Variants in TRMT11 observed in about 807,000 individuals in gnomAD.
TRMT11 encodes tRNA (guanine(10)-N(2))-methyltransferase TRMT11.
Under a neutral mutation model 62.8 loss-of-function variants are expected in TRMT11, and 53 were observed. That is an observed-to-expected ratio of 0.84 (90% CI 0.68 to 1.06). TRMT11 has a LOEUF of 1.06. Ranked by LOEUF, TRMT11 falls within the 50% of genes least tolerant of loss-of-function variation. The pLI is 0.00. For missense variants in TRMT11, 556 were observed against 553.4 expected, an observed-to-expected ratio of 1.00 and a Z score of -0.05; for synonymous variants, 188 against 190.3, an observed-to-expected ratio of 0.99 and a Z score of 0.10.
chr6:125,988,120 A>G (rs1432961083), intron 1 of TRMT11, among the ~76,000 whole-genome samples: 2 of 152,228 alleles, frequency 1.3e-5, no homozygotes, highest in Admixed American at 6.5e-5. Flanking sequence ...TCAGAAGGGT[A>G]AAGTTTTAGG....
At chr6:126,109,030 A>T (rs1478013482) in intron 17 of TRMT11, among the ~76,000 whole-genome samples, 14 of 152,130 alleles carry the variant, frequency 9.2e-5, no homozygotes. Context: ...GTTTTACCAC[A>T]TTTATTTTTA....
At chr6:126,026,942 A>G (rs938856512) in intron 12 of TRMT11, among the ~76,000 whole-genome samples, 2 of 150,896 alleles carry the variant, frequency 1.3e-5, no homozygotes, top group Admixed American at 6.6e-5. Flanking sequence ...AGCTGGGACT[A>G]CAGGCGCCTG....
chr6:126,222,147 C>T, the TRMT11 span, among the ~76,000 whole-genome samples: 1 of 152,120 alleles, frequency 6.6e-6, no homozygotes, highest in African/African-American at 2.4e-5. Flanking sequence ...TCTGGGTTCT[C>T]TAACCTGTTC....
chr6:126,210,853 T>C, the TRMT11 span, among the ~76,000 whole-genome samples: 1 of 152,200 alleles, frequency 6.6e-6, no homozygotes, highest in African/African-American at 2.4e-5. Flanking sequence ...ATCAAATCCA[T>C]CACAAATTCC....
In TRMT11 at chr6:126,179,179, T is replaced by C. The variant is rs1317902193; in HGVS notation, n.143+1844T>C. Among the ~76,000 whole-genome samples, 3 of 152,180 alleles carry C rather than the reference T, an allele frequency of 2.0e-5. No homozygotes were observed. The South Asian group carries it at 6.2e-4, about 31-fold the overall frequency. On this transcript the variant is annotated intron_variant and non_coding_transcript_variant, in intron 1 of 3. Coordinates refer to the TRMT11 transcript ENST00000444229. ...GCAGAAGAAATTGTGTCACTTCTTG[T>C]GGACCTTCTTCCTTCCTGTGAACGC...
chr6:126,143,581 T>A (rs769915874), intron 21 of TRMT11, among the ~76,000 whole-genome samples: 5 of 152,178 alleles, frequency 3.3e-5, no homozygotes, highest in Non-Finnish European at 7.4e-5. Context: ...TCATTTAGAC[T>A]TTTTCTGAAC....
At chr6:126,010,406 G>T (rs1003566547) in intron 8 of TRMT11, among the ~76,000 whole-genome samples, 2 of 151,770 alleles carry the variant, frequency 1.3e-5, no homozygotes, top group Non-Finnish European at 2.9e-5. Context: ...GCACTTCTCC[G>T]TCACACTGCA....
At chr6:126,250,969 C>T in the TRMT11 span, among the ~76,000 whole-genome samples, 7 of 151,316 alleles carry the variant, frequency 4.6e-5, no homozygotes, top group East Asian at 1.4e-3. Context: ...ATTCAAGGCA[C>T]CTCAGTCATT....
intron 12 of TRMT11, among the ~76,000 whole-genome samples, chr6:126,035,787 T>C (rs1221156641): frequency 6.6e-6 from 1 of 152,164 alleles, no homozygotes; most frequent in Non-Finnish European, 1.5e-5. Context: ...CTTTTGCTGT[T>C]CATTCCCAGT....
At chr6:126,169,704 T>G (rs1255329729) in intron 21 of TRMT11, among the ~76,000 whole-genome samples, 2 of 152,188 alleles carry the variant, frequency 1.3e-5, no homozygotes, top group African/African-American at 4.8e-5. Context: ...ACCTGTTTTC[T>G]TTTCAACTCC....
chr6:125,997,202 ATAT>A (rs1166255732), intron 3 of TRMT11, among the ~76,000 whole-genome samples: 2 of 152,168 alleles, frequency 1.3e-5, no homozygotes, highest in East Asian at 1.9e-4. Flanking sequence ...AGTGAGATTA[ATAT>A]TATTGTAGAA....
At chr6:126,140,447 T>G (rs1777905130) in intron 21 of TRMT11, among the ~76,000 whole-genome samples, 1 of 152,096 alleles carries the variant, frequency 6.6e-6, no homozygotes, top group South Asian at 2.1e-4. Flanking sequence ...AACACAAGAA[T>G]TATGTGTTTT....
intron 12 of TRMT11, among the ~76,000 whole-genome samples, chr6:126,026,974 G>T (rs866089218): frequency 6.8e-5 from 10 of 147,908 alleles, no homozygotes; most frequent in South Asian, 2.2e-4. Flanking sequence ...GGCTAATTTC[G>T]TTTTTGTATT....
intron 21 of TRMT11, among the ~76,000 whole-genome samples, chr6:126,156,987 G>A (rs1778129580): frequency 6.6e-6 from 1 of 152,154 alleles, no homozygotes; most frequent in South Asian, 2.1e-4. Context: ...TGCTGCCATT[G>A]TGAGGTTGTA....
At chr6:126,241,827 A>T in the TRMT11 span, among the ~76,000 whole-genome samples, 1 of 152,312 alleles carries the variant, frequency 6.6e-6, no homozygotes, top group Non-Finnish European at 1.5e-5. Flanking sequence ...GGACAATATC[A>T]TACTGAATGG....
chr6:126,177,291 A>T (rs1778397598), exon 1 of TRMT11: 1 of 152,170 alleles, frequency 6.6e-6, no homozygotes, highest in Admixed American at 6.5e-5. Flanking sequence ...CAAAACTATT[A>T]TGGCAACAGG....
At chr6:126,159,182 A>T (rs1034214032) in intron 21 of TRMT11, among the ~76,000 whole-genome samples, 7 of 152,046 alleles carry the variant, frequency 4.6e-5, no homozygotes, top group African/African-American at 1.4e-4. Context: ...AATGCTAGAT[A>T]TTTGCAAGTG....
chr6:126,161,303 C>G (rs1778187683), intron 21 of TRMT11, among the ~76,000 whole-genome samples: 1 of 152,046 alleles, frequency 6.6e-6, no homozygotes, highest in African/African-American at 2.4e-5. Flanking sequence ...CATTGTTCAA[C>G]TCCCACTTAT....
the TRMT11 span, among the ~76,000 whole-genome samples, chr6:126,210,236 G>C: frequency 6.6e-6 from 1 of 152,186 alleles, no homozygotes; most frequent in Non-Finnish European, 1.5e-5. Context: ...TTCAAAGTGA[G>C]AGAGACAGGA....
Sources: gnomAD v4.1 joint callset for allele counts (sites outside exome capture counted in the v4.1 genomes callset) on GRCh38, gnomAD v4.1.1 for gene constraint, MANE v1.5 for transcripts, NCBI Gene and HGNC (gene_info 2026-07-23, HGNC 2026-07-21) for gene names.